PHACTR1: variants seen among roughly 807,000 people sequenced by gnomAD.
The protein encoded by PHACTR1 is phosphatase and actin regulator 1, also known as RPEL repeat containing 1.
A neutral mutation model predicts 69.2 loss-of-function variants in PHACTR1; 16 were observed. That is an observed-to-expected ratio of 0.23 (90% CI 0.16 to 0.35). The LOEUF (loss-of-function observed/expected upper bound fraction) is 0.35. PHACTR1 is among the 10% of genes least tolerant of loss of function. The pLI, the probability that PHACTR1 is intolerant of heterozygous loss-of-function variation, is 1.00. For synonymous variants in PHACTR1, 312 were observed against 284.5 expected (o/e 1.10, Z -0.97); for missense variants, 510 against 734.7 (o/e 0.69, Z 3.54).
intron 4 of PHACTR1, among the ~76,000 whole-genome samples, chr6:12,866,736 G>A (rs557141063): frequency 1.3e-5 from 2 of 152,336 alleles, no homozygotes; most frequent in South Asian, 2.1e-4. Context: ...TTGCCTTGCT[G>A]AGAAGAGACT....
At chr6:12,997,529 A>G (rs1038361150) in intron 4 of PHACTR1, among the ~76,000 whole-genome samples, 4 of 151,890 alleles carry the variant, frequency 2.6e-5, no homozygotes, top group African/African-American at 9.7e-5. Flanking sequence ...TGGGGTACAA[A>G]TGAGATATTT....
rs540417406 is a variant in PHACTR1, at chr6:12,760,259, G to A, written c.250+10469G>A. 7.5e-4 allele frequency among the ~76,000 whole-genome samples: 114 copies of A among 152,256 alleles called. 1 individual carries two copies. The highest frequency in any genetic ancestry group is 6.2e-3 in the Admixed American group (95 of 15,302). On this transcript the variant is annotated intron_variant, in intron 4 of 14. Transcript: ENST00000332995. The stretch of plus-strand genomic sequence containing the variant: ...ACTCACAGGAGAAAATTTTCCTGCC[G>A]TTATATTTTACCCCTATTCAATCCT...
intron 4 of PHACTR1, among the ~76,000 whole-genome samples, chr6:12,755,234 A>C (rs1436342004): frequency 6.6e-6 from 1 of 152,174 alleles, no homozygotes; most frequent in Non-Finnish European, 1.5e-5. Flanking sequence ...ATAAAATCCC[A>C]CAGAGGCGTG....
At chr6:13,127,590 A>G (rs1405975198) in intron 5 of PHACTR1, among the ~76,000 whole-genome samples, 1 of 152,136 alleles carries the variant, frequency 6.6e-6, no homozygotes, top group Non-Finnish European at 1.5e-5. Context: ...AGGAAAATAG[A>G]AGGAAGGTCA....
chr6:12,993,252 C>T (rs1290779013), intron 4 of PHACTR1, among the ~76,000 whole-genome samples: 2 of 152,178 alleles, frequency 1.3e-5, no homozygotes, highest in East Asian at 3.8e-4. Context: ...ATTTCTAGCT[C>T]TTCTATCAGT....
At chr6:13,197,765 G>A (rs970380700) in intron 7 of PHACTR1, among the ~76,000 whole-genome samples, 15 of 152,198 alleles carry the variant, frequency 9.9e-5, no homozygotes, top group Admixed American at 7.2e-4. Flanking sequence ...TCGGCCCACA[G>A]CAGAAGCCTC....
At chr6:13,147,871 T>C (rs1321295869) in intron 5 of PHACTR1, among the ~76,000 whole-genome samples, 1 of 152,200 alleles carries the variant, frequency 6.6e-6, no homozygotes. Flanking sequence ...GGTCATAAAG[T>C]GAACACCGTG....
At chr6:13,183,640 G>A (rs1365487195) in intron 7 of PHACTR1, among the ~76,000 whole-genome samples, 5 of 152,158 alleles carry the variant, frequency 3.3e-5, no homozygotes, top group African/African-American at 1.2e-4. Flanking sequence ...AAGGAGGGTG[G>A]GGAGGGGAGG....
chr6:12,780,706 A>G (rs1770711525), intron 4 of PHACTR1, among the ~76,000 whole-genome samples: 1 of 152,206 alleles, frequency 6.6e-6, no homozygotes. Flanking sequence ...GAGGGCATGC[A>G]TTCAAGCTGC....
At chr6:13,159,091 C>T (rs1031462627) in intron 5 of PHACTR1, among the ~76,000 whole-genome samples, 5 of 152,184 alleles carry the variant, frequency 3.3e-5, no homozygotes, top group African/African-American at 1.2e-4. Context: ...CATTTCCTCA[C>T]TCCTGGGTTG....
intron 5 of PHACTR1, among the ~76,000 whole-genome samples, chr6:13,067,415 A>G (rs1443686600): frequency 6.6e-6 from 1 of 152,208 alleles, no homozygotes; most frequent in East Asian, 1.9e-4. Context: ...TACACATAAC[A>G]GTGATATTAC....
chr6:12,998,071 A>T (rs974138381), intron 4 of PHACTR1, among the ~76,000 whole-genome samples: 1 of 152,234 alleles, frequency 6.6e-6, no homozygotes, highest in Non-Finnish European at 1.5e-5. Context: ...AATATAACTC[A>T]GTCCACTGGT....
intron 4 of PHACTR1, among the ~76,000 whole-genome samples, chr6:12,949,942 C>G (rs1006595726): frequency 1.3e-5 from 2 of 152,242 alleles, no homozygotes; most frequent in African/African-American, 4.8e-5. Context: ...ATATACACCC[C>G]TGCCGTCTCA....
intron 4 of PHACTR1, among the ~76,000 whole-genome samples, chr6:13,049,870 A>G (rs1392490956): frequency 6.6e-6 from 1 of 152,216 alleles, no homozygotes; most frequent in Admixed American, 6.5e-5. Flanking sequence ...CCTACAAGGA[A>G]CAGGCTTCTA....
chr6:12,946,966 C>T (rs1280225250), intron 4 of PHACTR1, among the ~76,000 whole-genome samples: 1 of 151,940 alleles, frequency 6.6e-6, no homozygotes, highest in Admixed American at 6.6e-5. Flanking sequence ...GCACCCACCA[C>T]CACGGCTGAC....
At chr6:12,751,079 G>C (rs535704395) in intron 4 of PHACTR1, among the ~76,000 whole-genome samples, 1 of 152,146 alleles carries the variant, frequency 6.6e-6, no homozygotes, top group Non-Finnish European at 1.5e-5. Context: ...GAGAAGTTTC[G>C]ACAAAAGAGA....
In PHACTR1 at chr6:12,833,753, C is replaced by T. The variant is rs556264053; in HGVS notation, c.250+83963C>T. ...TTCTTCATAGGGCAGCTGGGGTGAA[C>T]ACTTTTAACTATAAATCCTCTAATG... is the stretch of plus-strand genomic sequence containing the variant. On this transcript the variant is annotated intron_variant, in intron 4 of 14. Transcript: ENST00000332995. 2.6e-5 allele frequency among the ~76,000 whole-genome samples: 4 copies of T among 152,258 alleles called. No individual in the cohort carries two copies. The South Asian group carries it at 8.3e-4, about 32-fold the overall frequency.
intron 3 of PHACTR1, 106 bp from the exon 4 acceptor site, chr6:12,749,538 C>T (rs1438916652): frequency 7.5e-6 from 3 of 399,402 alleles, no homozygotes; most frequent in South Asian, 3.3e-5. Context: ...TTCCCTTCCT[C>T]TCCCCTCCCC....
At chr6:13,190,023 C>CTTT (rs56040224) in intron 7 of PHACTR1, among the ~76,000 whole-genome samples, 156 of 123,804 alleles carry the variant, frequency 1.3e-3, no homozygotes, top group Admixed American at 2.4e-3. Flanking sequence ...ATCTCTTCTG[C>CTTT]TTTTTTTTTT....
Sources: allele counts gnomAD v4.1 joint callset (sites outside exome capture counted in the v4.1 genomes callset), GRCh38; gene constraint gnomAD v4.1.1; transcripts MANE v1.5; gene names NCBI Gene and HGNC (gene_info 2026-07-23, HGNC 2026-07-21).